ANO6: variants seen among roughly 807,000 people sequenced by gnomAD.
ANO6 encodes anoctamin 6.
ANO6 carries 106 observed loss-of-function variants against 117.5 expected under a neutral mutation model. That is an observed-to-expected ratio of 0.90 (90% CI 0.77 to 1.06). The LOEUF (loss-of-function observed/expected upper bound fraction) is 1.06, where lower values mean the gene tolerates loss of function less well. ANO6 is among the 50% of genes least tolerant of loss of function. The pLI, the probability that ANO6 is intolerant of heterozygous loss-of-function variation, is 0.00. For missense variants in ANO6, 955 were observed against 1,121.1 expected (o/e 0.85, Z 2.12); for synonymous variants, 367 against 385.1 (o/e 0.95, Z 0.55).
At chr12:45,416,074 T>C (rs1943205545) in intron 16 of ANO6, among the ~76,000 whole-genome samples, 1 of 152,210 alleles carries the variant, frequency 6.6e-6, no homozygotes, top group Non-Finnish European at 1.5e-5. Flanking sequence ...CCACAAGGAC[T>C]GCAACTAACT....
intron 2 of ANO6, among the ~76,000 whole-genome samples, chr12:45,317,096 C>A: frequency 6.9e-5 from 3 of 43,548 alleles, no homozygotes; most frequent in Non-Finnish European, 1.3e-4. Context: ...GAAAAGACAG[C>A]TGGATTCTTT....
chr12:45,395,984 C>T (rs144168953), intron 12 of ANO6, among the ~76,000 whole-genome samples: 22 of 152,268 alleles, frequency 1.4e-4, no homozygotes, highest in African/African-American at 5.3e-4. Context: ...GTTGGAAGTT[C>T]TGGCCAGGGC....
At chr12:45,332,685 T>C (rs55683666) in intron 3 of ANO6, among the ~76,000 whole-genome samples, 2,760 of 152,108 alleles carry the variant, frequency 0.018, 81 homozygotes, top group African/African-American at 0.063. Context: ...GTTTGGCACA[T>C]AGTTTGGGGT....
At chr12:45,270,963 AC>A (rs1217628756) in intron 1 of ANO6, among the ~76,000 whole-genome samples, 1 of 151,952 alleles carries the variant, frequency 6.6e-6, no homozygotes, top group Non-Finnish European at 1.5e-5. Flanking sequence ...CAAGTGATCC[AC>A]CCACCTCGGC....
rs1555165688 is a variant in ANO6, at chr12:45,291,358, A to AAC, written c.71-10655_71-10654insCA. Reference sequence around the variant, plus strand: ...TGAAACTCCGTCTCAAAAAAAAAAAAAAAAAAAAAAACACAAAGGAAAATC... The same window carrying AAC: ...TGAAACTCCGTCTCAAAAAAAAAAAAACAAAAAAAAAAACACAAAGGAAAATC... On this transcript the variant is annotated intron_variant, in intron 1 of 19. Transcript: ENST00000320560. Among the ~76,000 whole-genome samples, 6 of 149,670 alleles carry AAC rather than the reference A, an allele frequency of 4.0e-5. No individual in the cohort carries two copies. The East Asian group carries it at 6.2e-4, about 15-fold the overall frequency.
intron 1 of ANO6, among the ~76,000 whole-genome samples, chr12:45,293,729 G>GTTTTTTTTTTTTTTTTTTTTTTTTTTTT: frequency 2.1e-5 from 1 of 48,418 alleles, no homozygotes; most frequent in Non-Finnish European, 3.6e-5. Flanking sequence ...CCTGGCTAAT[G>GTTTTTTTTTTTTTTTTTTTTTTTTTTTT]TTTTTTTTTT....
chr12:45,221,919 T>C (rs1332222758), intron 1 of ANO6, among the ~76,000 whole-genome samples: 1 of 149,752 alleles, frequency 6.7e-6, no homozygotes, highest in Non-Finnish European at 1.5e-5. Context: ...TCTTGCTCTG[T>C]TGCCCAGGCT....
chr12:45,368,279 CA>C (rs897540728), intron 9 of ANO6, among the ~76,000 whole-genome samples: 2 of 152,084 alleles, frequency 1.3e-5, no homozygotes, highest in African/African-American at 4.8e-5. Flanking sequence ...TGTCAGTACT[CA>C]AAAAGCTTTG....
chr12:45,429,673 C>A lies in ANO6; in HGVS notation c.*362C>A, dbSNP rs1565778010. 8.9e-7 allele frequency: 1 copy of A among 1,127,826 alleles called. No individual in the cohort carries two copies. Among genetic ancestry groups the A allele is most frequent in the Non-Finnish European group, 1.1e-6 (1 of 916,116 alleles). The allele number at this position is 1,127,826 out of a possible 1,614,324, so 69.9% of individuals were successfully genotyped here. On this transcript the variant is annotated 3_prime_UTR_variant, in exon 20 of 20. Transcript: ENST00000320560. Reference sequence around the variant, plus strand: ...TTCTGTCTATTCTCAGGCGCATGATCTCCTTTATTTTTAAGCCATGTTTCA... The same window carrying A: ...TTCTGTCTATTCTCAGGCGCATGATATCCTTTATTTTTAAGCCATGTTTCA...
At chr12:45,280,202 G>A (rs910175363) in intron 1 of ANO6, among the ~76,000 whole-genome samples, 1 of 152,118 alleles carries the variant, frequency 6.6e-6, no homozygotes, top group Non-Finnish European at 1.5e-5. Flanking sequence ...AAGATAATAC[G>A]CCCATCTCTG....
At chr12:45,377,852 A>G (rs1350229345) in intron 9 of ANO6, among the ~76,000 whole-genome samples, 2 of 152,206 alleles carry the variant, frequency 1.3e-5, no homozygotes, top group African/African-American at 4.8e-5. Context: ...TACAGCAAAG[A>G]CTTTGCTTTG....
At chr12:45,293,678 A>G (rs1051336507) in intron 1 of ANO6, among the ~76,000 whole-genome samples, 1 of 146,060 alleles carries the variant, frequency 6.8e-6, no homozygotes, top group African/African-American at 2.5e-5. Context: ...CTCCTGCATC[A>G]GCCTCCTGAG....
chr12:45,254,834 T>C (rs1352914508), intron 1 of ANO6, among the ~76,000 whole-genome samples: 1 of 152,206 alleles, frequency 6.6e-6, no homozygotes, highest in Non-Finnish European at 1.5e-5. Context: ...TCAACATACT[T>C]GAATGAATAA....
chr12:45,428,752 G>A (rs905854834), intron 19 of ANO6, among the ~76,000 whole-genome samples: 1 of 152,180 alleles, frequency 6.6e-6, no homozygotes, highest in African/African-American at 2.4e-5. Flanking sequence ...TTGGAGAAGT[G>A]CAAGGCCATT....
rs140543210 is a variant in ANO6, at chr12:45,305,017, A to G, written c.150+2924A>G. On this transcript the variant is annotated intron_variant, in intron 2 of 19. Coordinates refer to ENST00000320560, the MANE Select transcript of ANO6 (RefSeq NM_001025356.3). ...TGTCCATTGATTACATGTCACCTGC[A>G]TATCTGTGTTGCTCTTCTCCAGCTC... 2.0e-3 allele frequency among the ~76,000 whole-genome samples: 308 copies of G among 152,354 alleles called. 2 individuals carry two copies. Among genetic ancestry groups the G allele is most frequent in the African/African-American group, 7.0e-3 (292 of 41,582 alleles).
At chr12:45,232,772 T>G (rs1420544923) in intron 1 of ANO6, among the ~76,000 whole-genome samples, 1 of 152,318 alleles carries the variant, frequency 6.6e-6, no homozygotes, top group South Asian at 2.1e-4. Context: ...CTTGCTGAAA[T>G]AATAGCCCTG....
At chr12:45,262,673 C>T (rs942580822) in intron 1 of ANO6, among the ~76,000 whole-genome samples, 3 of 152,202 alleles carry the variant, frequency 2.0e-5, no homozygotes, top group Admixed American at 2.0e-4. Context: ...ATCTGCCCGG[C>T]TCGGCCTCCC....
At chr12:45,323,521 G>A (rs914557477) in intron 2 of ANO6, among the ~76,000 whole-genome samples, 3 of 152,238 alleles carry the variant, frequency 2.0e-5, no homozygotes, top group African/African-American at 7.2e-5. Flanking sequence ...TATTAAGGTA[G>A]AGAATACCAT....
intron 1 of ANO6, chr12:45,292,934 G>A (rs1453005421): frequency 1.9e-6 from 3 of 1,551,232 alleles, no homozygotes; most frequent in Non-Finnish European, 1.7e-6. Context: ...TTGTGCTGCT[G>A]GTAAGAACAT....
Sources: allele counts gnomAD v4.1 joint callset (sites outside exome capture counted in the v4.1 genomes callset), GRCh38; gene constraint gnomAD v4.1.1; transcripts MANE v1.5; gene names NCBI Gene and HGNC (gene_info 2026-07-23, HGNC 2026-07-21).